SRSF7: variants seen among roughly 807,000 people sequenced by gnomAD.
SRSF7 encodes the protein serine/arginine-rich splicing factor 7.
Under a neutral mutation model 42.2 loss-of-function variants are expected in SRSF7, and 15 were observed. The observed-to-expected ratio is 0.36, with a 90% CI of 0.24 to 0.55. The LOEUF (loss-of-function observed/expected upper bound fraction) is 0.55. SRSF7 is among the 20% of genes least tolerant of loss of function. SRSF7 has a pLI of 0.88. For missense variants in SRSF7, 181 were observed against 305.9 expected, an observed-to-expected ratio of 0.59 and a Z score of 3.04; for synonymous variants, 138 against 107.9, an observed-to-expected ratio of 1.28 and a Z score of -1.73.
At chr2:38,750,319 A>C (rs1185221667) in intron 1 of SRSF7, 125 bp from the exon 2 acceptor site, 1 of 774,988 alleles carries the variant, frequency 1.3e-6, no homozygotes, top group Non-Finnish European at 2.0e-6. Flanking sequence ...CCCTCTATCC[A>C]AGACAAAACT....
intron 3 of SRSF7, 60 bp from the exon 4 acceptor site, chr2:38,748,713 G>T: frequency 6.6e-7 from 1 of 1,506,316 alleles, no homozygotes; most frequent in Non-Finnish European, 9.2e-7. Context: ...TTAAGAGTTT[G>T]TGTGCCTCTG....
intron 3 of SRSF7, 114 bp downstream of exon 3, chr2:38,749,415 T>C (rs1667948666): frequency 1.9e-6 from 3 of 1,566,338 alleles, no homozygotes; most frequent in Non-Finnish European, 2.6e-6. Context: ...AATTGTAAAA[T>C]ACACCTGTAC....
At chr2:38,751,165 C>G (rs934255892) in intron 1 of SRSF7, 64 bp downstream of exon 1, 1 of 1,605,536 alleles carries the variant, frequency 6.2e-7, no homozygotes, top group Non-Finnish European at 8.5e-7. Flanking sequence ...CCGCGACAAC[C>G]CTACGGCCTC....
intron 6 of SRSF7, among the ~76,000 whole-genome samples, 166 bp from the exon 7 acceptor site, chr2:38,746,345 C>A (rs1167887337): frequency 6.6e-6 from 1 of 152,214 alleles, no homozygotes; most frequent in East Asian, 1.9e-4. Flanking sequence ...AATCTTTCAA[C>A]AACTGTTTTT....
intron 3 of SRSF7, chr2:38,749,245 G>C (rs1667929216): frequency 7.2e-7 from 1 of 1,391,558 alleles, no homozygotes; most frequent in Non-Finnish European, 9.6e-7. Flanking sequence ...ATCACCTCAA[G>C]GTCTAGGAGG....
At position 38,749,511 on chromosome 2, in the gene SRSF7, C is replaced by A. The variant is rs567736861; in HGVS notation, c.386+18G>T. On this transcript the variant is annotated intron_variant, in intron 3 of 7. Coordinates refer to ENST00000313117, the MANE Select transcript of SRSF7 (RefSeq NM_001031684.3). ...TGATTAACTAGAATACCAACCATTC[C>A]TTTATTAAAATAAATACCTGCTTCT... is the stretch of plus-strand genomic sequence containing the variant. 4 of 1,554,142 alleles carry A rather than the reference C, an allele frequency of 2.6e-6. No individual in the cohort carries two copies. The East Asian group carries it at 9.0e-5, about 35-fold the overall frequency.
chr2:38,748,582 C>T lies in SRSF7; in HGVS notation c.458G>A (p.Arg153Gln). ...YSRSRSRSRG[R>Q]RSRSASPRRS... ...CTTCAGTTAAACAAGATCTCACCTT[C>T]GTCCCCTGCTCCTGCTGCGTGAGCG... The change falls in exon 4 of 8, where the codon CGA becomes CAA. Residue 153 changes from arginine to glutamine, a missense_variant. Coordinates refer to ENST00000313117, the MANE Select transcript of SRSF7 (RefSeq NM_001031684.3). 3 of 1,613,962 alleles carry T rather than the reference C, an allele frequency of 1.9e-6. No homozygotes were observed. The highest frequency in any genetic ancestry group is 1.7e-6 in the Non-Finnish European group (2 of 1,179,856).
chr2:38,746,213 A>G, intron 6 of SRSF7, 34 bp from the exon 7 acceptor site: 4 of 1,611,308 alleles, frequency 2.5e-6, no homozygotes, highest in Non-Finnish European at 3.4e-6. Flanking sequence ...TTAAAGAAAG[A>G]GTACTAACCA....
chr2:38,746,763 GAA>G lies in SRSF7; in HGVS notation c.573-18_573-17del. 6.2e-7 allele frequency: 1 copy of G among 1,613,082 alleles called. No individual in the cohort carries two copies. The highest frequency in any genetic ancestry group is 8.5e-7 in the Non-Finnish European group (1 of 1,179,810). ...CGACGGGGATCTTAATAAAAAAAGT[GAA>G]AAACACAATTATATCAATCAGTCCA... On this transcript the variant is annotated splice_polypyrimidine_tract_variant and intron_variant, in intron 5 of 7. Coordinates refer to ENST00000313117, the MANE Select transcript of SRSF7 (RefSeq NM_001031684.3).
Position 38,750,000 on chromosome 2 carries a change from A to C in SRSF7, c.209+14T>G, listed in dbSNP as rs201634069. The C allele has an allele frequency of 6.9e-6, 11 of 1,596,376 alleles. No individual in the cohort carries two copies. The highest frequency in any genetic ancestry group is 1.8e-5 in the Admixed American group (1 of 55,616). ...ATATTTTAATGAACAGAAGATTCAT[A>C]ACATCTTACTTACTTTCCATCCAGT... is the stretch of plus-strand genomic sequence containing the variant. On this transcript the variant is annotated intron_variant, in intron 2 of 7. Transcript: ENST00000313117.
intron 6 of SRSF7, 79 bp downstream of exon 6, chr2:38,746,615 T>C: frequency 6.3e-7 from 1 of 1,586,034 alleles, no homozygotes; most frequent in Non-Finnish European, 8.6e-7. Context: ...ACTTAAAATT[T>C]CAACAATTAA....
At chr2:38,749,446 G>T in intron 3 of SRSF7, 83 bp downstream of exon 3, 3 of 1,552,172 alleles carry the variant, frequency 1.9e-6, no homozygotes, top group African/African-American at 2.8e-5. Flanking sequence ...CAAGTTTATA[G>T]AAAAACACTA....
Position 38,744,367 on chromosome 2 carries a change from T to C in SRSF7, c.*766A>G. 6.6e-6 allele frequency: 1 copy of C among 152,592 alleles called. No homozygotes were observed. Among genetic ancestry groups the C allele is most frequent in the Non-Finnish European group, 1.5e-5 (1 of 68,020 alleles). The allele number at this position is 152,592 out of a possible 1,614,324, so 9.5% of individuals were successfully genotyped here. A position where few individuals can be genotyped will look rare whatever the true frequency, so the allele number is the denominator to read the frequency against. ...AAACATGCATTTTTTGGTATAAAAC[T>C]GGTTAACTAATGTAGAAAGCAAAGA... On this transcript the variant is annotated 3_prime_UTR_variant, in exon 8 of 8. Coordinates refer to ENST00000313117, the MANE Select transcript of SRSF7 (RefSeq NM_001031684.3).
chr2:38,747,156 C>A, intron 5 of SRSF7: 1 of 467,744 alleles, frequency 2.1e-6, no homozygotes. Context: ...AATAACCAGA[C>A]CCCTGAACTG....
intron 7 of SRSF7, 109 bp from the exon 8 acceptor site, chr2:38,745,296 AT>A: frequency 9.2e-7 from 1 of 1,091,302 alleles, no homozygotes; most frequent in Non-Finnish European, 1.4e-6. Context: ...CTAATTTCCT[AT>A]AGCAAAGACC....
At chr2:38,745,935 TAAC>T (rs1234368312) in intron 7 of SRSF7, among the ~76,000 whole-genome samples, 1 of 152,074 alleles carries the variant, frequency 6.6e-6, no homozygotes, top group Non-Finnish European at 1.5e-5. Flanking sequence ...ATAATCACCC[TAAC>T]ATTTTATGAC....
Position 38,744,931 on chromosome 2 carries a change from AAC to A in SRSF7, c.*200_*201del. The A allele has an allele frequency of 2.1e-6, 1 of 482,724 alleles. No homozygotes were observed. Among genetic ancestry groups the A allele is most frequent in the Non-Finnish European group, 3.6e-6 (1 of 279,080 alleles). The allele number at this position is 482,724 out of a possible 1,614,324, so 29.9% of individuals were successfully genotyped here. On this transcript the variant is annotated 3_prime_UTR_variant, in exon 8 of 8. Transcript: ENST00000313117. ...ATTTTATTTAAATGTGCCAAATAAAAACCCACATTTTCAGACCATATGATGTT... is the reference window on the plus strand; with the variant it reads ...ATTTTATTTAAATGTGCCAAATAAAACCACATTTTCAGACCATATGATGTT...
chr2:38,745,499 CA>C, intron 7 of SRSF7, among the ~76,000 whole-genome samples: 1 of 151,950 alleles, frequency 6.6e-6, no homozygotes, highest in Non-Finnish European at 1.5e-5. Flanking sequence ...ACTAGAAATA[CA>C]AAAAATTAGC....
At chr2:38,749,114 G>T in intron 3 of SRSF7, 1 of 1,316,230 alleles carries the variant, frequency 7.6e-7, no homozygotes, top group Non-Finnish European at 1.0e-6. Flanking sequence ...AAACCGGAGG[G>T]GGGCCCCAAT....
Sources: allele counts gnomAD v4.1 joint callset (sites outside exome capture counted in the v4.1 genomes callset), GRCh38; gene constraint gnomAD v4.1.1; transcripts MANE v1.5; gene names NCBI Gene and HGNC (gene_info 2026-07-23, HGNC 2026-07-21).